OTUD7A: variants seen among roughly 807,000 people sequenced by gnomAD.
The protein encoded by OTUD7A is OTU domain-containing protein 7A.
OTUD7A carries 12 observed loss-of-function variants against 65.7 expected under a neutral mutation model. The ratio of observed to expected loss-of-function variants is 0.18; its 90% CI spans 0.12 to 0.30. The LOEUF is 0.30. Among genes scored for constraint, OTUD7A ranks in the 10% least tolerant of loss-of-function variants. The pLI is 1.00. For synonymous variants in OTUD7A, 641 were observed against 586.3 expected (o/e 1.09, Z -1.35); for missense variants, 1,148 against 1,304.8 (o/e 0.88, Z 1.85).
intron 1 of OTUD7A, among the ~76,000 whole-genome samples, chr15:31,799,971 C>A (rs1896075216): frequency 6.6e-6 from 1 of 152,142 alleles, no homozygotes; most frequent in Admixed American, 6.5e-5. Flanking sequence ...ACACATTATG[C>A]TCTAATCACT....
intron 1 of OTUD7A, among the ~76,000 whole-genome samples, chr15:31,681,055 A>C (rs1309807662): frequency 6.7e-6 from 1 of 149,692 alleles, no homozygotes; most frequent in Non-Finnish European, 1.5e-5. Context: ...TCTATCTTCA[A>C]TCTATATTCT....
intron 1 of OTUD7A, among the ~76,000 whole-genome samples, chr15:31,816,042 T>C (rs1251138133): frequency 6.6e-6 from 1 of 152,160 alleles, no homozygotes; most frequent in African/African-American, 2.4e-5. Flanking sequence ...CATGAGGAGA[T>C]TCTGCTGGCC....
chr15:31,579,029 CTT>C (rs1050601253), intron 3 of OTUD7A, among the ~76,000 whole-genome samples: 7 of 152,266 alleles, frequency 4.6e-5, no homozygotes, highest in Non-Finnish European at 8.8e-5. Flanking sequence ...GAGTTTGACT[CTT>C]TTCGTTAACA....
At chr15:31,684,162 C>T (rs1300406522) in intron 1 of OTUD7A, among the ~76,000 whole-genome samples, 5 of 152,132 alleles carry the variant, frequency 3.3e-5, no homozygotes, top group Non-Finnish European at 2.9e-5. Context: ...TTAAGCCTCC[C>T]TAATCAATGG....
chr15:31,750,685 A>C (rs190766716), intron 1 of OTUD7A, among the ~76,000 whole-genome samples: 93 of 152,302 alleles, frequency 6.1e-4, no homozygotes, highest in African/African-American at 2.2e-3. Context: ...CAAAACAGAG[A>C]GCCCAGAAGT....
At chr15:31,597,438 C>T (rs956169840) in intron 3 of OTUD7A, among the ~76,000 whole-genome samples, 4 of 150,630 alleles carry the variant, frequency 2.7e-5, no homozygotes, top group South Asian at 2.1e-4. Context: ...TGAAGTAATT[C>T]GTATGCATGG....
At chr15:31,628,590 C>T (rs1479165394) in intron 3 of OTUD7A, among the ~76,000 whole-genome samples, 2 of 152,074 alleles carry the variant, frequency 1.3e-5, no homozygotes, top group Non-Finnish European at 2.9e-5. Context: ...TTTTTTGGTT[C>T]CATATCAACT....
At chr15:31,548,216 C>G (rs935293790) in intron 5 of OTUD7A, among the ~76,000 whole-genome samples, 7 of 67,070 alleles carry the variant, frequency 1.0e-4, no homozygotes. Flanking sequence ...CATCTGTGGG[C>G]GCCCTGGGCC....
In OTUD7A at chr15:31,657,045, G is replaced by A. The variant is rs1343087238; in HGVS notation, c.-67C>T. On this transcript the variant is annotated 5_prime_UTR_variant, in exon 2 of 13. Transcript: ENST00000307050. ...CCTTCTCTCCATGCACTGGGGCCTC[G>A]GCCGGGAGAGTCTCTTCTTTCGTCA... The A allele has an allele frequency of 3.3e-5, 5 of 152,650 alleles. No individual in the cohort carries two copies. The highest frequency in any genetic ancestry group is 6.5e-5 in the Admixed American group (1 of 15,284). 9.5% of individuals were successfully genotyped at this position (152,650 alleles called of 1,614,324 possible). A position where few individuals can be genotyped will look rare whatever the true frequency, so the allele number is the denominator to read the frequency against.
intron 5 of OTUD7A, among the ~76,000 whole-genome samples, chr15:31,535,152 C>G (rs923883734): frequency 6.6e-6 from 1 of 152,142 alleles, no homozygotes; most frequent in East Asian, 1.9e-4. Context: ...GTGTCCTCAC[C>G]CAAATCTCAT....
chr15:31,531,499 C>T (rs575072010), intron 5 of OTUD7A, among the ~76,000 whole-genome samples: 62 of 92,986 alleles, frequency 6.7e-4, no homozygotes, highest in African/African-American at 2.0e-3. Context: ...ACTGTAAAAA[C>T]GAACCAATGA....
chr15:31,853,289 A>G (rs1255487928), intron 1 of OTUD7A, among the ~76,000 whole-genome samples: 1 of 152,234 alleles, frequency 6.6e-6, no homozygotes, highest in African/African-American at 2.4e-5. Context: ...TCCAGCAGAC[A>G]GCAGCTTCTC....
chr15:31,563,946 G>A (rs185876790), intron 4 of OTUD7A, among the ~76,000 whole-genome samples: 9 of 152,230 alleles, frequency 5.9e-5, no homozygotes, highest in East Asian at 3.9e-4. Flanking sequence ...TGATAACTGC[G>A]TGCCCCAGGA....
At position 31,483,711 on chromosome 15, in the gene OTUD7A, C is replaced by G; in HGVS notation, c.2385G>C (p.Val795=). The G allele has an allele frequency of 8.7e-7, 1 of 1,144,846 alleles. No homozygotes were observed. The highest frequency in any genetic ancestry group is 4.0e-5 in the South Asian group (1 of 25,046). The allele number at this position is 1,144,846 out of a possible 1,614,324, so 70.9% of individuals were successfully genotyped here. A position where few individuals can be genotyped will look rare whatever the true frequency, so the allele number is the denominator to read the frequency against. Residue 795 remains valine (V), a synonymous_variant, in exon 13 of 13, where the codon GTG becomes GTC. Transcript: ENST00000307050. The stretch of plus-strand genomic sequence containing the variant: ...ACGTGGCGCACGGCCGCAGCGCCCC[C>G]ACGGCCGGCGCGCACGCCTCGTCCC... ...GARDEACAPA[V]GALRPCATYP...
intron 1 of OTUD7A, among the ~76,000 whole-genome samples, chr15:31,866,889 G>A (rs952730530): frequency 1.1e-4 from 16 of 152,144 alleles, no homozygotes; most frequent in African/African-American, 3.9e-4. Context: ...CAATTTAAAT[G>A]GAATGAGAAG....
intron 1 of OTUD7A, among the ~76,000 whole-genome samples, chr15:31,696,168 T>A (rs1448208971): frequency 7.2e-6 from 1 of 138,568 alleles, no homozygotes; most frequent in Admixed American, 7.3e-5. Context: ...GGGCTGGGGG[T>A]GGACAGGCAG....
chr15:31,831,805 G>T (rs1478372567), intron 1 of OTUD7A, among the ~76,000 whole-genome samples: 2 of 152,262 alleles, frequency 1.3e-5, no homozygotes, highest in Non-Finnish European at 2.9e-5. Context: ...AGACAGTGAC[G>T]AAAAGGAGCA....
At chr15:31,574,549 T>C (rs1171871305) in intron 3 of OTUD7A, among the ~76,000 whole-genome samples, 1 of 152,106 alleles carries the variant, frequency 6.6e-6, no homozygotes, top group Non-Finnish European at 1.5e-5. Context: ...AAAACTGAGA[T>C]TATGATCTTG....
chr15:31,797,663 C>T (rs530961164), intron 1 of OTUD7A, among the ~76,000 whole-genome samples: 9 of 152,218 alleles, frequency 5.9e-5, no homozygotes, highest in Non-Finnish European at 8.8e-5. Context: ...GGGAGTCGCC[C>T]GCCTTCACTC....
Sources: gnomAD v4.1 joint callset for allele counts (sites outside exome capture counted in the v4.1 genomes callset) on GRCh38, gnomAD v4.1.1 for gene constraint, MANE v1.5 for transcripts, NCBI Gene and HGNC (gene_info 2026-07-23, HGNC 2026-07-21) for gene names.